ADGRL3: variants seen among roughly 807,000 people sequenced by gnomAD.
ADGRL3 encodes calcium-independent alpha-latrotoxin receptor 3.
Under a neutral mutation model 153.5 loss-of-function variants are expected in ADGRL3, and 62 were observed. The observed-to-expected ratio is 0.40, with a 90% CI of 0.33 to 0.50. The LOEUF (loss-of-function observed/expected upper bound fraction) is 0.50, where lower values mean the gene tolerates loss of function less well. ADGRL3 is among the 20% of genes least tolerant of loss of function. ADGRL3 has a pLI of 0.47. For missense variants in ADGRL3, 1,641 were observed against 1,859.4 expected, an observed-to-expected ratio of 0.88 and a Z score of 2.16; for synonymous variants, 710 against 672.5, an observed-to-expected ratio of 1.06 and a Z score of -0.86.
chr4:61,488,011 C>T (rs533410061), intron 2 of ADGRL3, among the ~76,000 whole-genome samples: 330 of 152,038 alleles, frequency 2.2e-3, no homozygotes, highest in African/African-American at 7.0e-3. Context: ...CAATCAAATG[C>T]TTTGTGGGAT....
chr4:61,570,851 C>T (rs566607818), intron 4 of ADGRL3, among the ~76,000 whole-genome samples: 8 of 152,244 alleles, frequency 5.3e-5, no homozygotes, highest in African/African-American at 1.9e-4. Flanking sequence ...GTGTCTGTAG[C>T]TATATTACAA....
chr4:61,624,900 A>G (rs1347993862), intron 5 of ADGRL3, among the ~76,000 whole-genome samples: 2 of 152,130 alleles, frequency 1.3e-5, no homozygotes, highest in African/African-American at 4.8e-5. Flanking sequence ...TATTTTTTAA[A>G]ACTTATAAAT....
chr4:61,266,917 G>A (rs1301420090), intron 1 of ADGRL3, among the ~76,000 whole-genome samples: 1 of 151,654 alleles, frequency 6.6e-6, no homozygotes, highest in African/African-American at 2.4e-5. Flanking sequence ...ATGGAAATAT[G>A]CTGGACTATC....
At chr4:61,682,070 T>A (rs2150988970) in intron 6 of ADGRL3, among the ~76,000 whole-genome samples, 1 of 152,180 alleles carries the variant, frequency 6.6e-6, no homozygotes, top group South Asian at 2.1e-4. Context: ...AATAAGACCT[T>A]ATTAATTCAA....
chr4:61,509,318 G>A (rs1398926096), intron 3 of ADGRL3, among the ~76,000 whole-genome samples: 1 of 152,000 alleles, frequency 6.6e-6, no homozygotes, highest in East Asian at 1.9e-4. Context: ...AGTAGAGACA[G>A]GGTCTTGCCA....
intron 21 of ADGRL3, among the ~76,000 whole-genome samples, chr4:62,012,079 G>T (rs1232176001): frequency 2.6e-5 from 4 of 152,080 alleles, no homozygotes; most frequent in Non-Finnish European, 4.4e-5. Context: ...AAAATTTGTT[G>T]TGAGAGAGCT....
intron 1 of ADGRL3, among the ~76,000 whole-genome samples, chr4:61,222,942 A>C (rs756373226): frequency 8.5e-5 from 13 of 152,192 alleles, no homozygotes; most frequent in Admixed American, 1.3e-4. Flanking sequence ...GAAAATTGTT[A>C]AGATAGTAGA....
At chr4:61,401,409 T>A (rs114719392) in intron 2 of ADGRL3, among the ~76,000 whole-genome samples, 3,808 of 152,018 alleles carry the variant, frequency 0.025, 67 homozygotes, top group South Asian at 0.086. Context: ...TACATTCCAG[T>A]GTGATTTTAA....
chr4:61,468,486 T>G (rs530824524), intron 2 of ADGRL3, among the ~76,000 whole-genome samples: 4 of 152,278 alleles, frequency 2.6e-5, no homozygotes, highest in African/African-American at 9.6e-5. Flanking sequence ...TCCTAAATAG[T>G]GTGTAATATA....
intron 8 of ADGRL3, among the ~76,000 whole-genome samples, chr4:61,811,356 T>C (rs1418032498): frequency 6.6e-6 from 1 of 152,022 alleles, no homozygotes; most frequent in African/African-American, 2.4e-5. Flanking sequence ...TTAATTATGT[T>C]GAGTAAAAGA....
chr4:62,008,152 C>T (rs147292478), intron 21 of ADGRL3, among the ~76,000 whole-genome samples: 10 of 152,182 alleles, frequency 6.6e-5, no homozygotes, highest in African/African-American at 2.4e-4. Flanking sequence ...CAGGTAAAGA[C>T]AATCTTTTCA....
chr4:61,994,049 T>G (rs2099113222), intron 19 of ADGRL3, among the ~76,000 whole-genome samples: 1 of 152,204 alleles, frequency 6.6e-6, no homozygotes, highest in Non-Finnish European at 1.5e-5. Context: ...AAATGAGAAC[T>G]TGTAGTCAGT....
chr4:61,384,024 A>T (rs2096705755), intron 2 of ADGRL3, among the ~76,000 whole-genome samples: 1 of 151,864 alleles, frequency 6.6e-6, no homozygotes, highest in South Asian at 2.1e-4. Flanking sequence ...ATTTAAGTTC[A>T]TTTCATTTTG....
At chr4:61,432,586 CTTTCTTTCTTTCTTTCTTTCTTTCT>C (rs2097372480) in intron 2 of ADGRL3, among the ~76,000 whole-genome samples, 1 of 10,124 alleles carries the variant, frequency 9.9e-5, no homozygotes, top group East Asian at 4.7e-3. Context: ...TTCTTTCTTT[CTTTCTTTCTTTCTTTCTTTCTTTCT>C]TTCTTTCTTT....
At chr4:61,305,704 A>G (rs188317813) in intron 1 of ADGRL3, among the ~76,000 whole-genome samples, 139 of 152,210 alleles carry the variant, frequency 9.1e-4, no homozygotes, top group African/African-American at 3.1e-3. Context: ...ACTGAACTTG[A>G]GCGTCAAGCA....
intron 1 of ADGRL3, among the ~76,000 whole-genome samples, chr4:61,360,286 A>G (rs1578425068): frequency 1.3e-5 from 2 of 152,188 alleles, no homozygotes. Flanking sequence ...CCAAAGAGCT[A>G]TTTGTTAGAG....
Position 62,070,981 on chromosome 4 carries a change from G to A in ADGRL3, c.*73G>A. On this transcript the variant is annotated 3_prime_UTR_variant, in exon 27 of 27. Transcript: ENST00000683033. ...ACTGTTCTGAGTTGATATAAGCAGT[G>A]GTAATAATGTGTGTACTCCTAAATC... 3 of 1,228,706 alleles carry A rather than the reference G, an allele frequency of 2.4e-6. No homozygotes were observed. The highest frequency in any genetic ancestry group is 3.4e-6 in the Non-Finnish European group (3 of 890,832). The allele number at this position is 1,228,706 out of a possible 1,614,324, so 76.1% of individuals were successfully genotyped here. A position where few individuals can be genotyped will look rare whatever the true frequency, so the allele number is the denominator to read the frequency against.
intron 5 of ADGRL3, among the ~76,000 whole-genome samples, chr4:61,596,294 C>T (rs1413458836): frequency 6.6e-6 from 1 of 151,998 alleles, no homozygotes; most frequent in African/African-American, 2.4e-5. Context: ...TGTATTATGC[C>T]GGCCTTTTGT....
At chr4:61,634,426 C>T (rs1183163520) in intron 5 of ADGRL3, among the ~76,000 whole-genome samples, 2 of 152,006 alleles carry the variant, frequency 1.3e-5, no homozygotes, top group Non-Finnish European at 2.9e-5. Context: ...TGCAAAGAGG[C>T]CATCATTAAA....
Sources: gnomAD v4.1 joint callset for allele counts (sites outside exome capture counted in the v4.1 genomes callset) on GRCh38, gnomAD v4.1.1 for gene constraint, MANE v1.5 for transcripts, NCBI Gene and HGNC (gene_info 2026-07-23, HGNC 2026-07-21) for gene names.